The following CSMD1 variants were observed in gnomAD, a reference collection of about 807,000 sequenced individuals.
CSMD1 encodes CUB and sushi domain-containing protein 1.
In CSMD1, 213 loss-of-function variants were observed where a neutral mutation model predicts 417.5. The ratio of observed to expected loss-of-function variants is 0.51; its 90% CI spans 0.46 to 0.57. The LOEUF is 0.57. CSMD1 is among the 20% of genes least tolerant of loss of function. CSMD1 has a pLI of 0.00. For synonymous variants in CSMD1, 2,862 were observed against 1,736.8 expected (o/e 1.65, Z -16.11); for missense variants, 6,923 against 4,529.7 (o/e 1.53, Z -15.17).
intron 7 of CSMD1, among the ~76,000 whole-genome samples, chr8:3,697,086 C>A (rs1800594550): frequency 6.6e-6 from 1 of 152,172 alleles, no homozygotes; most frequent in African/African-American, 2.4e-5. Context: ...CCATGAATAA[C>A]TGCAGGCCCA....
At chr8:3,538,520 ACCTGCGATGCCTCG>A (rs1457358609) in intron 10 of CSMD1, among the ~76,000 whole-genome samples, 3 of 151,646 alleles carry the variant, frequency 2.0e-5, no homozygotes, top group Non-Finnish European at 2.9e-5. Flanking sequence ...GAGATGCCCC[ACCTGCGATGCCTCG>A]CCTGCGATGC....
chr8:3,900,028 G>C (rs1807622818), intron 5 of CSMD1, among the ~76,000 whole-genome samples: 1 of 152,198 alleles, frequency 6.6e-6, no homozygotes, highest in Admixed American at 6.5e-5. Context: ...CACTAGCTAG[G>C]TGACACTGCA....
intron 4 of CSMD1, among the ~76,000 whole-genome samples, chr8:4,026,744 A>G (rs1040705177): frequency 2.0e-5 from 3 of 152,234 alleles, no homozygotes; most frequent in Admixed American, 6.5e-5. Flanking sequence ...AGAAACTGTA[A>G]TAAGGGGTTG....
intron 50 of CSMD1, among the ~76,000 whole-genome samples, chr8:3,049,445 C>G (rs1234817165): frequency 6.6e-6 from 1 of 152,086 alleles, no homozygotes; most frequent in African/African-American, 2.4e-5. Flanking sequence ...ATGGAGGAAA[C>G]TTAAACGCTT....
At chr8:4,111,854 C>A (rs1801874827) in intron 3 of CSMD1, among the ~76,000 whole-genome samples, 1 of 152,090 alleles carries the variant, frequency 6.6e-6, no homozygotes, top group Non-Finnish European at 1.5e-5. Context: ...ATAGGTGCCG[C>A]AAACCAACAT....
chr8:4,291,296 G>C (rs1051432708), intron 3 of CSMD1, among the ~76,000 whole-genome samples: 1 of 151,936 alleles, frequency 6.6e-6, no homozygotes, highest in East Asian at 1.9e-4. Context: ...TAAAAGTCAA[G>C]ATATTTAAAA....
chr8:3,935,229 T>C (rs993616678), intron 5 of CSMD1, among the ~76,000 whole-genome samples: 47 of 152,296 alleles, frequency 3.1e-4, no homozygotes, highest in African/African-American at 1.1e-3. Flanking sequence ...ATGGAAATCG[T>C]TCTTAAAATG....
chr8:4,981,566 A>C (rs943415212), intron 1 of CSMD1, among the ~76,000 whole-genome samples: 1 of 152,148 alleles, frequency 6.6e-6, no homozygotes, highest in African/African-American at 2.4e-5. Flanking sequence ...TCCTACATTT[A>C]TTATTTATGT....
intron 10 of CSMD1, among the ~76,000 whole-genome samples, chr8:3,551,923 G>A (rs1399425562): frequency 2.0e-5 from 3 of 152,140 alleles, no homozygotes; most frequent in South Asian, 2.1e-4. Flanking sequence ...CAGTCCAGAC[G>A]TGGTTTTAGC....
At chr8:3,361,905 TTTCTAAGGA>T (rs1809210840) in intron 20 of CSMD1, among the ~76,000 whole-genome samples, 1 of 152,152 alleles carries the variant, frequency 6.6e-6, no homozygotes, top group African/African-American at 2.4e-5. Flanking sequence ...TTGATTAGGC[TTTCTAAGGA>T]TTCTCTTATA....
At chr8:3,885,083 C>G (rs1357490) in intron 5 of CSMD1, among the ~76,000 whole-genome samples, 7,562 of 152,014 alleles carry the variant, frequency 0.05, 623 homozygotes, top group African/African-American at 0.17. Flanking sequence ...AAGCAAGTAG[C>G]TTCTCATATA....
chr8:4,219,594 G>T (rs547451618), intron 3 of CSMD1, among the ~76,000 whole-genome samples: 6 of 152,038 alleles, frequency 3.9e-5, no homozygotes, highest in Admixed American at 3.9e-4. Flanking sequence ...CAATTTCTAC[G>T]GTTGGCTCCA....
rs180927437 is a variant in CSMD1 at position 4,575,289 on chromosome 8, G to C, written c.302+62053C>G. On this transcript the variant is annotated intron_variant, in intron 2 of 69. Coordinates refer to ENST00000635120, the MANE Select transcript of CSMD1 (RefSeq NM_033225.6). The stretch of plus-strand genomic sequence containing the variant: ...TTCTCATTATTTTCATATATGATTG[G>C]TGTCCCTGTCCTTTTTATGTAATAA... Among the ~76,000 whole-genome samples, 567 of 152,168 alleles carry C rather than the reference G, an allele frequency of 3.7e-3. 4 individuals carry two copies. Among genetic ancestry groups the C allele is most frequent in the African/African-American group, 0.013 (531 of 41,512 alleles).
chr8:4,441,556 A>C (rs1798484648), intron 2 of CSMD1, among the ~76,000 whole-genome samples: 2 of 152,164 alleles, frequency 1.3e-5, no homozygotes, highest in African/African-American at 4.8e-5. Context: ...GAAGCACATG[A>C]AAGCCTATCT....
intron 11 of CSMD1, among the ~76,000 whole-genome samples, chr8:3,484,047 T>A (rs766165849): frequency 6.6e-6 from 1 of 152,230 alleles, no homozygotes; most frequent in East Asian, 1.9e-4. Context: ...AATGTTTTTA[T>A]ACATTGCTGG....
intron 1 of CSMD1, among the ~76,000 whole-genome samples, chr8:4,799,909 T>A (rs938008315): frequency 6.6e-6 from 1 of 152,184 alleles, no homozygotes; most frequent in African/African-American, 2.4e-5. Flanking sequence ...TAAAATGAAC[T>A]ATGCATGCAG....
chr8:4,111,383 C>A (rs767825828), intron 3 of CSMD1, among the ~76,000 whole-genome samples: 2 of 152,004 alleles, frequency 1.3e-5, no homozygotes, highest in South Asian at 4.1e-4. Context: ...TGGAAATAAA[C>A]AGTATTAAAA....
chr8:3,052,803 CAAG>C (rs1229625077), intron 49 of CSMD1, among the ~76,000 whole-genome samples, 156 bp from the exon 50 acceptor site: 2 of 145,374 alleles, frequency 1.4e-5, no homozygotes, highest in African/African-American at 5.1e-5. Context: ...TTTCTGGAGA[CAAG>C]AGTTTTGTGC....
chr8:4,057,219 G>C (rs1409697712), intron 3 of CSMD1, among the ~76,000 whole-genome samples: 1 of 152,054 alleles, frequency 6.6e-6, no homozygotes, highest in Non-Finnish European at 1.5e-5. Context: ...TTTAATGATT[G>C]CCATTCTAAC....
Sources: allele counts gnomAD v4.1 joint callset (sites outside exome capture counted in the v4.1 genomes callset), GRCh38; gene constraint gnomAD v4.1.1; transcripts MANE v1.5; gene names NCBI Gene and HGNC (gene_info 2026-07-23, HGNC 2026-07-21).